The following PDE3A variants were observed in gnomAD, a reference collection of about 807,000 sequenced individuals.
PDE3A encodes the protein phosphodiesterase 3A, also known as cGMP-inhibited 3',5'-cyclic phosphodiesterase 3A.
PDE3A carries 43 observed loss-of-function variants against 98.3 expected under a neutral mutation model. That is an observed-to-expected ratio of 0.44 (90% CI 0.34 to 0.56). The LOEUF is 0.56. Ranked by LOEUF, PDE3A falls within the 20% of genes least tolerant of loss-of-function variation. The pLI is 0.01. For synonymous variants in PDE3A, 663 were observed against 567.9 expected (o/e 1.17, Z -2.38); for missense variants, 1,427 against 1,440.7 (o/e 0.99, Z 0.15).
intron 15 of PDE3A, among the ~76,000 whole-genome samples, chr12:20,678,320 C>T (rs1294973716): frequency 6.6e-6 from 1 of 152,074 alleles, no homozygotes; most frequent in African/African-American, 2.4e-5. Flanking sequence ...TGTAATTTCT[C>T]TGTTGAATTC....
At chr12:20,627,640 T>C (rs754365956) in intron 5 of PDE3A, among the ~76,000 whole-genome samples, 1 of 152,012 alleles carries the variant, frequency 6.6e-6, no homozygotes, top group Non-Finnish European at 1.5e-5. Flanking sequence ...TTCCCTGCCT[T>C]CTACTCTGTG....
intron 1 of PDE3A, among the ~76,000 whole-genome samples, chr12:20,438,346 G>A (rs1944812996): frequency 1.3e-5 from 2 of 152,118 alleles, no homozygotes; most frequent in Non-Finnish European, 1.5e-5. Flanking sequence ...ATAATGTTAA[G>A]GCAGGGTTGT....
At chr12:20,664,378 G>A (rs1247870078) in intron 15 of PDE3A, among the ~76,000 whole-genome samples, 1 of 152,064 alleles carries the variant, frequency 6.6e-6, no homozygotes, top group Non-Finnish European at 1.5e-5. Flanking sequence ...TGGTTGCTTG[G>A]AAAAGAACAG....
chr12:20,432,091 A>G (rs1944707499), intron 1 of PDE3A, among the ~76,000 whole-genome samples: 1 of 152,200 alleles, frequency 6.6e-6, no homozygotes. Flanking sequence ...GTTTTTATTT[A>G]TGGAGAAACA....
chr12:20,667,429 C>T (rs971753930), intron 15 of PDE3A, among the ~76,000 whole-genome samples: 1 of 152,112 alleles, frequency 6.6e-6, no homozygotes, highest in African/African-American at 2.4e-5. Context: ...AGTCTTTAAT[C>T]TATCTTGAGT....
At chr12:20,497,880 TG>T (rs1945948689) in intron 1 of PDE3A, among the ~76,000 whole-genome samples, 1 of 152,156 alleles carries the variant, frequency 6.6e-6, no homozygotes, top group African/African-American at 2.4e-5. Flanking sequence ...GTATACTTTA[TG>T]TTCTGCTGCT....
chr12:20,452,331 A>AT (rs113725411), intron 1 of PDE3A, among the ~76,000 whole-genome samples: 2,355 of 152,262 alleles, frequency 0.015, 60 homozygotes, highest in African/African-American at 0.054. Flanking sequence ...TTTGGAAGTC[A>AT]TTTGTCTTAA....
chr12:20,376,522 C>G (rs1943574076), intron 1 of PDE3A, among the ~76,000 whole-genome samples: 6 of 151,938 alleles, frequency 3.9e-5, no homozygotes, highest in Admixed American at 2.6e-4. Flanking sequence ...ATGAATTATT[C>G]TTGACTTTGT....
At chr12:20,627,962 C>T (rs111859283) in intron 5 of PDE3A, among the ~76,000 whole-genome samples, 2,513 of 152,242 alleles carry the variant, frequency 0.017, 83 homozygotes, top group African/African-American at 0.058. Flanking sequence ...CAAAACTAGA[C>T]CAACCCTTTT....
intron 1 of PDE3A, among the ~76,000 whole-genome samples, chr12:20,456,386 T>G (rs1945151741): frequency 6.6e-6 from 1 of 152,138 alleles, no homozygotes; most frequent in Non-Finnish European, 1.5e-5. Context: ...GGGGAGAATT[T>G]AATAAAACAA....
intron 1 of PDE3A, among the ~76,000 whole-genome samples, chr12:20,528,582 C>G (rs934366041): frequency 6.6e-6 from 1 of 152,138 alleles, no homozygotes; most frequent in African/African-American, 2.4e-5. Context: ...CATTGTCTTC[C>G]TAGTACTTAC....
intron 1 of PDE3A, among the ~76,000 whole-genome samples, chr12:20,412,845 C>T (rs1298950161): frequency 6.6e-6 from 1 of 152,130 alleles, no homozygotes; most frequent in Non-Finnish European, 1.5e-5. Flanking sequence ...GCCTTAATTT[C>T]CTCCTTTCTG....
At chr12:20,648,616 C>A in intron 12 of PDE3A, 72 bp from the exon 13 acceptor site, 1 of 935,796 alleles carries the variant, frequency 1.1e-6, no homozygotes, top group Non-Finnish European at 1.8e-6. Context: ...ATTTCAAAAG[C>A]ATTGCATATT....
chr12:20,474,185 G>T (rs1406762124), intron 1 of PDE3A, among the ~76,000 whole-genome samples: 1 of 152,090 alleles, frequency 6.6e-6, no homozygotes, highest in Admixed American at 6.5e-5. Context: ...TAATTTTTAT[G>T]TCTATGATGA....
At chr12:20,557,499 A>C (rs1262066941) in intron 2 of PDE3A, among the ~76,000 whole-genome samples, 1 of 152,186 alleles carries the variant, frequency 6.6e-6, no homozygotes, top group African/African-American at 2.4e-5. Context: ...TTTTGCTTCT[A>C]TTGCACACAT....
chr12:20,506,966 T>G (rs1234656058), intron 1 of PDE3A, among the ~76,000 whole-genome samples: 1 of 152,078 alleles, frequency 6.6e-6, no homozygotes, highest in African/African-American at 2.4e-5. Context: ...ATAAAATATT[T>G]TAAAGATTTT....
intron 2 of PDE3A, among the ~76,000 whole-genome samples, chr12:20,580,359 G>A (rs150026181): frequency 1.9e-4 from 29 of 152,216 alleles, no homozygotes; most frequent in African/African-American, 6.7e-4. Flanking sequence ...ACATTTTAAT[G>A]GTCTACTGTT....
chr12:20,447,170 C>T (rs1169397491), intron 1 of PDE3A, among the ~76,000 whole-genome samples: 1 of 152,066 alleles, frequency 6.6e-6, no homozygotes, highest in Non-Finnish European at 1.5e-5. Flanking sequence ...GCAAGCCATC[C>T]GGATGAGAGA....
chr12:20,509,813 A>G (rs981551258), intron 1 of PDE3A, among the ~76,000 whole-genome samples: 1 of 138,238 alleles, frequency 7.2e-6, no homozygotes, highest in African/African-American at 2.5e-5. Context: ...TCTAGAAACC[A>G]TTACTATAAT....
Sources: allele counts gnomAD v4.1 joint callset (sites outside exome capture counted in the v4.1 genomes callset), GRCh38; gene constraint gnomAD v4.1.1; transcripts MANE v1.5; gene names NCBI Gene and HGNC (gene_info 2026-07-23, HGNC 2026-07-21).